Variants in GABBR2 observed in about 807,000 individuals in gnomAD.
GABBR2 encodes gamma-aminobutyric acid type B receptor subunit 2.
Under a neutral mutation model 105.6 loss-of-function variants are expected in GABBR2, and 23 were observed. The ratio of observed to expected loss-of-function variants is 0.22; its 90% CI spans 0.16 to 0.31. The LOEUF is 0.31. GABBR2 is among the 10% of genes least tolerant of loss of function. GABBR2 has a pLI of 1.00. For synonymous variants in GABBR2, 478 were observed against 499.7 expected (o/e 0.96, Z 0.58); for missense variants, 734 against 1,245.5 (o/e 0.59, Z 6.18).
chr9:98,682,366 C>CTTTTTTT (rs58885676), intron 1 of GABBR2, among the ~76,000 whole-genome samples: 1 of 52,226 alleles, frequency 1.9e-5, no homozygotes, highest in African/African-American at 7.4e-5. Flanking sequence ...ATTTTACCAT[C>CTTTTTTT]TTTTTTTTTT....
chr9:98,685,935 C>T (rs569743110), intron 1 of GABBR2, among the ~76,000 whole-genome samples: 76 of 152,248 alleles, frequency 5.0e-4, no homozygotes, highest in African/African-American at 1.7e-3. Context: ...GCAATCCTCC[C>T]GCCTTGGCCT....
intron 11 of GABBR2, among the ~76,000 whole-genome samples, chr9:98,378,055 C>A (rs1831908830): frequency 6.6e-6 from 1 of 152,190 alleles, no homozygotes; most frequent in African/African-American, 2.4e-5. Context: ...TTCTCAACTG[C>A]CTCAAAAAGA....
intron 1 of GABBR2, among the ~76,000 whole-genome samples, chr9:98,620,505 A>G (rs565712702): frequency 2.0e-5 from 3 of 152,178 alleles, no homozygotes; most frequent in Non-Finnish European, 4.4e-5. Flanking sequence ...ATTTAAAAAG[A>G]AATTCACACA....
chr9:98,587,441 C>A (rs1829093799), intron 1 of GABBR2, among the ~76,000 whole-genome samples: 1 of 152,182 alleles, frequency 6.6e-6, no homozygotes, highest in Non-Finnish European at 1.5e-5. Context: ...CACCGACAAT[C>A]CTTCCTTGGT....
At chr9:98,672,327 G>A (rs1830417534) in intron 1 of GABBR2, among the ~76,000 whole-genome samples, 1 of 152,104 alleles carries the variant, frequency 6.6e-6, no homozygotes, top group Admixed American at 6.5e-5. Context: ...TTTGTAACTG[G>A]CTCATTTCAC....
intron 13 of GABBR2, among the ~76,000 whole-genome samples, chr9:98,343,913 A>T (rs1435922323): frequency 6.6e-6 from 1 of 152,172 alleles, no homozygotes; most frequent in Non-Finnish European, 1.5e-5. Flanking sequence ...GCATATACTC[A>T]CACATACATA....
chr9:98,344,087 TCC>T (rs1450031821), intron 13 of GABBR2, among the ~76,000 whole-genome samples: 1 of 152,242 alleles, frequency 6.6e-6, no homozygotes, highest in East Asian at 1.9e-4. Context: ...TTTGTCAATT[TCC>T]CCCACCTTTC....
chr9:98,442,767 G>A (rs542601225), intron 7 of GABBR2, among the ~76,000 whole-genome samples: 1 of 152,312 alleles, frequency 6.6e-6, no homozygotes, highest in South Asian at 2.1e-4. Context: ...AGGAGGATCA[G>A]TCACCTTCTG....
At position 98,537,143 on chromosome 9, in the gene GABBR2, T is replaced by A. The variant is rs555425057; in HGVS notation, c.630+4730A>T. 3.0e-3 allele frequency among the ~76,000 whole-genome samples: 455 copies of A among 152,278 alleles called. 3 individuals carry two copies. Among genetic ancestry groups the A allele is most frequent in the African/African-American group, 0.01 (426 of 41,550 alleles). ...TCGTCCAGTGTGGTTGCTCTGGGGATGGCCTGGGCATCAGGATTTTCAAAG... is the reference window on the plus strand; with the variant it reads ...TCGTCCAGTGTGGTTGCTCTGGGGAAGGCCTGGGCATCAGGATTTTCAAAG... On this transcript the variant is annotated intron_variant, in intron 3 of 18. Transcript: ENST00000259455.
intron 1 of GABBR2, among the ~76,000 whole-genome samples, chr9:98,689,878 A>ACATT (rs1282784639): frequency 2.0e-5 from 3 of 152,206 alleles, no homozygotes; most frequent in African/African-American, 2.4e-5. Flanking sequence ...ATCTACTCTG[A>ACATT]CATTCTGACT....
At chr9:98,524,824 T>TAA (rs1336718486) in intron 3 of GABBR2, among the ~76,000 whole-genome samples, 1 of 148,626 alleles carries the variant, frequency 6.7e-6, no homozygotes. Flanking sequence ...TCCCTCTTAT[T>TAA]AAAAAAAAAA....
intron 7 of GABBR2, among the ~76,000 whole-genome samples, chr9:98,438,193 A>C (rs1173988700): frequency 6.8e-6 from 1 of 146,786 alleles, no homozygotes; most frequent in Non-Finnish European, 1.5e-5. Flanking sequence ...CCATCCATCC[A>C]TCCATCCATC....
At chr9:98,408,151 T>C (rs1392573819) in intron 7 of GABBR2, among the ~76,000 whole-genome samples, 1 of 152,188 alleles carries the variant, frequency 6.6e-6, no homozygotes, top group African/African-American at 2.4e-5. Context: ...ACCAGAGAGC[T>C]TTCCAGCCCT....
chr9:98,340,507 G>A (rs2131405499), intron 13 of GABBR2, among the ~76,000 whole-genome samples: 1 of 151,636 alleles, frequency 6.6e-6, no homozygotes, highest in East Asian at 1.9e-4. Context: ...TGATCCTCTT[G>A]CCTTGGCTTC....
intron 7 of GABBR2, among the ~76,000 whole-genome samples, chr9:98,415,315 C>T (rs551911060): frequency 5.0e-4 from 76 of 151,956 alleles, no homozygotes; most frequent in East Asian, 1.9e-3. Flanking sequence ...CACATTTTAC[C>T]GGCAAAAATA....
intron 4 of GABBR2, among the ~76,000 whole-genome samples, chr9:98,494,636 T>C (rs1483206989): frequency 1.3e-5 from 2 of 151,990 alleles, no homozygotes; most frequent in African/African-American, 2.4e-5. Flanking sequence ...TCCACATCTG[T>C]GAAACAGGGA....
intron 2 of GABBR2, among the ~76,000 whole-genome samples, chr9:98,543,584 T>G (rs1828346730): frequency 6.6e-6 from 1 of 152,138 alleles, no homozygotes; most frequent in Non-Finnish European, 1.5e-5. Context: ...AGTCTGGTTT[T>G]GAACCCCTGG....
chr9:98,474,997 T>C (rs2131633452), intron 5 of GABBR2, among the ~76,000 whole-genome samples: 2 of 152,268 alleles, frequency 1.3e-5, no homozygotes, highest in South Asian at 4.2e-4. Context: ...CCCCTCTCTG[T>C]GGTCTCCATC....
chr9:98,555,346 A>G (rs1365805478), intron 2 of GABBR2, among the ~76,000 whole-genome samples: 1 of 152,258 alleles, frequency 6.6e-6, no homozygotes, highest in Non-Finnish European at 1.5e-5. Context: ...ATTCTAAAGC[A>G]GGATGTCCAA....
Sources: gnomAD v4.1 joint callset for allele counts (sites outside exome capture counted in the v4.1 genomes callset) on GRCh38, gnomAD v4.1.1 for gene constraint, MANE v1.5 for transcripts, NCBI Gene and HGNC (gene_info 2026-07-23, HGNC 2026-07-21) for gene names.